FSTL4: variants seen among roughly 807,000 people sequenced by gnomAD.
The protein encoded by FSTL4 is follistatin like 4.
A neutral mutation model predicts 78.2 loss-of-function variants in FSTL4; 28 were observed. The ratio of observed to expected loss-of-function variants is 0.36; its 90% CI spans 0.27 to 0.49. The LOEUF (loss-of-function observed/expected upper bound fraction) is 0.49. FSTL4 is among the 20% of genes least tolerant of loss of function. FSTL4 has a pLI of 0.98. For missense variants in FSTL4, 922 were observed against 1,084.9 expected (o/e 0.85, Z 2.11); for synonymous variants, 422 against 440.5 (o/e 0.96, Z 0.53).
At chr5:133,352,081 G>A (rs1754834109) in intron 4 of FSTL4, among the ~76,000 whole-genome samples, 1 of 151,048 alleles carries the variant, frequency 6.6e-6, no homozygotes, top group Non-Finnish European at 1.5e-5. Flanking sequence ...GGGTACATAT[G>A]CAGGGATGTT....
chr5:133,743,377 A>G, the FSTL4 span, among the ~76,000 whole-genome samples: 4 of 152,226 alleles, frequency 2.6e-5, no homozygotes, highest in Non-Finnish European at 5.9e-5. Flanking sequence ...TATGTATAAC[A>G]TAGTGGTTCT....
intron 4 of FSTL4, among the ~76,000 whole-genome samples, chr5:133,325,133 C>T (rs189107305): frequency 7.9e-5 from 12 of 152,294 alleles, no homozygotes; most frequent in Admixed American, 3.3e-4. Context: ...TCAGGAGAGC[C>T]GTGGATCACC....
At chr5:133,738,913 C>T in the FSTL4 span, among the ~76,000 whole-genome samples, 7 of 152,110 alleles carry the variant, frequency 4.6e-5, no homozygotes, top group African/African-American at 7.2e-5. Flanking sequence ...CCTCCTCATT[C>T]CTACTCTCAC....
At chr5:133,652,507 C>A in the FSTL4 span, among the ~76,000 whole-genome samples, 8 of 151,988 alleles carry the variant, frequency 5.3e-5, no homozygotes, top group Non-Finnish European at 1.0e-4. Flanking sequence ...CTTCTTTGAC[C>A]CATATGTTAT....
chr5:133,404,412 C>T (rs1248548811), intron 3 of FSTL4, among the ~76,000 whole-genome samples: 1 of 152,196 alleles, frequency 6.6e-6, no homozygotes, highest in Non-Finnish European at 1.5e-5. Flanking sequence ...ATGAAAAGTA[C>T]AATGGGCTTA....
chr5:133,699,582 CA>C, the FSTL4 span, among the ~76,000 whole-genome samples: 1 of 152,098 alleles, frequency 6.6e-6, no homozygotes, highest in Non-Finnish European at 1.5e-5. Flanking sequence ...CCAAAAGCTT[CA>C]AAAACCCCAG....
At chr5:133,798,921 G>A in the FSTL4 span, among the ~76,000 whole-genome samples, 1 of 141,440 alleles carries the variant, frequency 7.1e-6, no homozygotes, top group African/African-American at 2.7e-5. Flanking sequence ...GGCAGGGGAG[G>A]GAGAGAGAAA....
intron 3 of FSTL4, among the ~76,000 whole-genome samples, chr5:133,479,903 G>GT (rs34431580): frequency 0.12 from 17,839 of 152,180 alleles, 1,373 homozygotes; most frequent in Non-Finnish European, 0.16. Context: ...GAGTTTTTGA[G>GT]TTTTTTTCCT....
At chr5:133,706,585 T>C in the FSTL4 span, among the ~76,000 whole-genome samples, 1 of 152,242 alleles carries the variant, frequency 6.6e-6, no homozygotes, top group Admixed American at 6.5e-5. Flanking sequence ...CTGGGAAATT[T>C]CATAAATGCC....
At chr5:133,795,904 C>T in the FSTL4 span, among the ~76,000 whole-genome samples, 3 of 152,196 alleles carry the variant, frequency 2.0e-5, no homozygotes, top group East Asian at 1.9e-4. Context: ...TCCAGGCCTG[C>T]GTGGGGAGGA....
intron 3 of FSTL4, among the ~76,000 whole-genome samples, chr5:133,508,210 G>C (rs988312544): frequency 9.9e-5 from 15 of 152,174 alleles, no homozygotes; most frequent in Non-Finnish European, 1.8e-4. Flanking sequence ...TAGGATTGGT[G>C]CCTGGCACTC....
At chr5:133,275,999 A>G (rs1752875294) in intron 6 of FSTL4, 1 of 152,206 alleles carries the variant, frequency 6.6e-6, no homozygotes, top group Non-Finnish European at 1.5e-5. Context: ...GTTTGCTTTT[A>G]TTTCATTTAT....
intron 3 of FSTL4, among the ~76,000 whole-genome samples, chr5:133,549,216 T>A (rs2112926851): frequency 6.6e-6 from 1 of 152,288 alleles, no homozygotes; most frequent in African/African-American, 2.4e-5. Context: ...TTAACCCCAA[T>A]TACAAATGAC....
chr5:133,653,435 A>C, the FSTL4 span, among the ~76,000 whole-genome samples: 2 of 152,088 alleles, frequency 1.3e-5, no homozygotes, highest in East Asian at 3.9e-4. Context: ...CCCCGTGTGA[A>C]AGCTAGCTCT....
intron 6 of FSTL4, among the ~76,000 whole-genome samples, chr5:133,273,735 T>C (rs1247240815): frequency 1.3e-5 from 2 of 152,182 alleles, no homozygotes; most frequent in East Asian, 1.9e-4. Context: ...GGCCTTTGCG[T>C]AGCTGAAGGG....
the FSTL4 span, among the ~76,000 whole-genome samples, chr5:133,662,675 A>G: frequency 1.3e-5 from 2 of 152,338 alleles, no homozygotes; most frequent in Non-Finnish European, 2.9e-5. Flanking sequence ...GACGGCAGAG[A>G]GTCAGGTGTG....
intron 6 of FSTL4, among the ~76,000 whole-genome samples, chr5:133,270,552 G>A (rs1308134061): frequency 2.6e-5 from 4 of 152,192 alleles, no homozygotes; most frequent in South Asian, 2.1e-4. Flanking sequence ...TTGATAGGAC[G>A]TGGGGGCAGT....
At chr5:133,688,463 C>G in the FSTL4 span, among the ~76,000 whole-genome samples, 1 of 152,154 alleles carries the variant, frequency 6.6e-6, no homozygotes, top group East Asian at 1.9e-4. Context: ...TTCTAGAGAA[C>G]GAGAAGAGAA....
chr5:133,290,520 G>A (rs887111549), intron 6 of FSTL4, among the ~76,000 whole-genome samples: 3 of 152,238 alleles, frequency 2.0e-5, no homozygotes, highest in African/African-American at 4.8e-5. Context: ...GGTCCCACAC[G>A]GGCGACTGGG....
Sources: gnomAD v4.1 joint callset for allele counts (sites outside exome capture counted in the v4.1 genomes callset) on GRCh38, gnomAD v4.1.1 for gene constraint, MANE v1.5 for transcripts, NCBI Gene and HGNC (gene_info 2026-07-23, HGNC 2026-07-21) for gene names.